Variants in SCAF11 observed in about 807,000 individuals in gnomAD.
SCAF11 encodes SR-related CTD associated factor 11.
Under a neutral mutation model 140.5 loss-of-function variants are expected in SCAF11, and 47 were observed. The observed-to-expected ratio is 0.33, with a 90% CI of 0.26 to 0.43. SCAF11 has a LOEUF of 0.43. Among genes scored for constraint, SCAF11 ranks in the 20% least tolerant of loss-of-function variants. SCAF11 has a pLI of 1.00. For synonymous variants in SCAF11, 557 were observed against 579.4 expected, an observed-to-expected ratio of 0.96 and a Z score of 0.55; for missense variants, 1,645 against 1,705.1, an observed-to-expected ratio of 0.96 and a Z score of 0.62.
intron 13 of SCAF11, 43 bp downstream of exon 13, chr12:45,922,893 T>A: frequency 6.4e-7 from 1 of 1,552,240 alleles, no homozygotes; most frequent in East Asian, 2.2e-5. Context: ...TTCTCCTTTA[T>A]CATATACAGA....
chr12:45,972,881 GATATATATATAGATATAT>G (rs1404077712), intron 1 of SCAF11, among the ~76,000 whole-genome samples: 359 of 18,932 alleles, frequency 0.019, 13 homozygotes, highest in African/African-American at 0.052. Flanking sequence ...TATATATATA[GATATATATATAGATATAT>G]ATATATATAG....
At chr12:45,966,641 G>T (rs1411074623) in intron 1 of SCAF11, among the ~76,000 whole-genome samples, 1 of 152,050 alleles carries the variant, frequency 6.6e-6, no homozygotes, top group Non-Finnish European at 1.5e-5. Context: ...AAGGGAGACA[G>T]TTATGTGAAT....
intron 3 of SCAF11, chr12:45,955,455 T>C (rs1400304119): frequency 6.6e-6 from 1 of 152,368 alleles, no homozygotes; most frequent in East Asian, 1.9e-4. Context: ...CGGCCCAGAC[T>C]GGCCTAATTT....
At chr12:45,985,419 C>T (rs1307204884) in intron 1 of SCAF11, among the ~76,000 whole-genome samples, 1 of 152,116 alleles carries the variant, frequency 6.6e-6, no homozygotes, top group Non-Finnish European at 1.5e-5. Context: ...TCTTAGATAC[C>T]CCATACTGAA....
chr12:45,926,415 G>A lies in SCAF11; in HGVS notation c.3286C>T (p.Arg1096Trp), dbSNP rs1434524796. 3.1e-6 allele frequency: 5 copies of A among 1,614,050 alleles called. No individual in the cohort carries two copies. The highest frequency in any genetic ancestry group is 1.1e-5 in the South Asian group (1 of 91,088). ...SFAYKDQNENRWQNRKPLSGN... is the reference protein window; with the variant it reads ...SFAYKDQNENWWQNRKPLSGN... The stretch of plus-strand genomic sequence containing the variant: ...GAGAGGGGTTTTCGATTTTGCCACC[G>A]ATTTTCATTCTGATCTTTATAGGCA... The change falls in exon 11 of 15, where the codon CGG becomes TGG. Residue 1096 changes from arginine to tryptophan, a missense_variant. Coordinates refer to ENST00000369367, the MANE Select transcript of SCAF11 (RefSeq NM_004719.3).
At chr12:45,983,206 G>A (rs1446125075) in intron 1 of SCAF11, among the ~76,000 whole-genome samples, 2 of 152,112 alleles carry the variant, frequency 1.3e-5, no homozygotes, top group Non-Finnish European at 2.9e-5. Context: ...TGGGGATTTT[G>A]AGCTTAATGT....
upstream of SCAF11, among the ~76,000 whole-genome samples, chr12:45,991,364 A>C (rs544975784): frequency 9.2e-5 from 14 of 152,316 alleles, no homozygotes; most frequent in South Asian, 2.9e-3. Context: ...CAGCAGTTCG[A>C]GACCAGCTTG....
chr12:45,982,536 T>C (rs565884170), intron 1 of SCAF11, among the ~76,000 whole-genome samples: 26 of 152,126 alleles, frequency 1.7e-4, no homozygotes, highest in African/African-American at 6.0e-4. Flanking sequence ...GTGAAACCGT[T>C]TCTACTAAAA....
rs1159339102 is a variant in SCAF11 at position 45,976,586 on chromosome 12, T to C, written c.-21-12398A>G. Among the ~76,000 whole-genome samples the C allele has an allele frequency of 2.4e-4, 36 of 151,970 alleles. 1 individual carries two copies. Among genetic ancestry groups the C allele is most frequent in the Admixed American group, 2.3e-3 (35 of 15,248 alleles). On this transcript the variant is annotated intron_variant, in intron 1 of 14. Transcript: ENST00000369367. ...CTTCAAATCAGTCCAAGTTGGCCAG[T>C]TAAAATGGAATACTAAAAAAATGTT...
intron 1 of SCAF11, among the ~76,000 whole-genome samples, chr12:45,989,228 A>G (rs1946533844): frequency 6.6e-6 from 1 of 152,244 alleles, no homozygotes; most frequent in Non-Finnish European, 1.5e-5. Context: ...ATATGTAGAA[A>G]TTAATTTTTC....
Position 45,972,869 on chromosome 12 carries a change from T to TATATATATATAG in SCAF11, c.-21-8693_-21-8682dup, listed in dbSNP as rs1404871500. ...GCCAGTATATATATATATATCGATA[T>TATATATATATAG]ATATATATATAGATATATATATAGA... On this transcript the variant is annotated intron_variant, in intron 1 of 14. Coordinates refer to ENST00000369367, the MANE Select transcript of SCAF11 (RefSeq NM_004719.3). Among the ~76,000 whole-genome samples, 3 of 54,344 alleles carry TATATATATATAG rather than the reference T, an allele frequency of 5.5e-5. No individual in the cohort carries two copies. In the Admixed American group the frequency reaches 8.5e-4, roughly 15 times the overall value. 35.7% of individuals were successfully genotyped at this position (54,344 alleles called of 152,430 possible).
intron 3 of SCAF11, among the ~76,000 whole-genome samples, chr12:45,957,910 T>G (rs1198803762): frequency 1.3e-5 from 2 of 152,118 alleles, no homozygotes; most frequent in Non-Finnish European, 2.9e-5. Flanking sequence ...CTCTTTTTTT[T>G]GAGATAGGGT....
intron 3 of SCAF11, chr12:45,961,267 G>C (rs1420233596): frequency 2.8e-6 from 2 of 713,628 alleles, no homozygotes; most frequent in Non-Finnish European, 5.2e-6. Flanking sequence ...TATCTGCTCT[G>C]GTTATTCCAC....
chr12:45,991,613 G>A (rs1946613136), upstream of SCAF11, among the ~76,000 whole-genome samples: 1 of 152,186 alleles, frequency 6.6e-6, no homozygotes, highest in South Asian at 2.1e-4. Flanking sequence ...TCCGCGTTGT[G>A]GTTAGATAGT....
intron 1 of SCAF11, among the ~76,000 whole-genome samples, chr12:45,972,410 T>C (rs1379353856): frequency 6.6e-6 from 1 of 151,624 alleles, no homozygotes; most frequent in African/African-American, 2.4e-5. Context: ...AGTGAGATCC[T>C]CTCTCTACAA....
intron 1 of SCAF11, among the ~76,000 whole-genome samples, chr12:45,983,354 A>G (rs1363247465): frequency 6.6e-6 from 1 of 152,234 alleles, no homozygotes; most frequent in Non-Finnish European, 1.5e-5. Context: ...TAATAGACAC[A>G]TAGATATCAA....
intron 1 of SCAF11, among the ~76,000 whole-genome samples, chr12:45,988,027 G>T (rs74916380): frequency 6.6e-6 from 1 of 152,162 alleles, no homozygotes; most frequent in Admixed American, 6.5e-5. Flanking sequence ...AATGATACTG[G>T]ATATTTTAAC....
chr12:45,934,510 A>C lies in SCAF11; in HGVS notation c.464-5T>G, dbSNP rs1945126524. The C allele has an allele frequency of 6.4e-7, 1 of 1,561,956 alleles. No individual in the cohort carries two copies. The highest frequency in any genetic ancestry group is 8.6e-7 in the Non-Finnish European group (1 of 1,160,670). ...TTTCACTGTATAAAGAGTTTCCTGT[A>C]CAAAGACATAAAAGGACTTGGTTAC... On this transcript the variant is annotated splice_region_variant and splice_polypyrimidine_tract_variant and intron_variant, in intron 6 of 14. Coordinates refer to ENST00000369367, the MANE Select transcript of SCAF11 (RefSeq NM_004719.3).
intron 6 of SCAF11, among the ~76,000 whole-genome samples, chr12:45,939,635 T>G (rs1016012087): frequency 1.3e-5 from 2 of 152,130 alleles, no homozygotes; most frequent in African/African-American, 4.8e-5. Context: ...GAGGCGGAGG[T>G]TGCAGTGAGC....
Sources: allele counts gnomAD v4.1 joint callset (sites outside exome capture counted in the v4.1 genomes callset), GRCh38; gene constraint gnomAD v4.1.1; transcripts MANE v1.5; gene names NCBI Gene and HGNC (gene_info 2026-07-23, HGNC 2026-07-21).